The following ASH1L variants were observed in gnomAD, a reference collection of about 807,000 sequenced individuals.
ASH1L encodes ASH1 like histone lysine methyltransferase.
A neutral mutation model predicts 269.0 loss-of-function variants in ASH1L; 23 were observed. The ratio of observed to expected loss-of-function variants is 0.09; its 90% CI spans 0.06 to 0.12. ASH1L has a LOEUF of 0.12. ASH1L is among the 10% of genes least tolerant of loss of function. The probability of loss-of-function intolerance (pLI) is 1.00; values close to 1 mark genes in which losing one functional copy is unlikely to be tolerated. For synonymous variants in ASH1L, 1,187 were observed against 1,253.5 expected (o/e 0.95, Z 1.12); for missense variants, 2,912 against 3,567.8 (o/e 0.82, Z 4.68).
chr1:155,345,430 G>A (rs1028301930), intron 21 of ASH1L, among the ~76,000 whole-genome samples: 7 of 150,034 alleles, frequency 4.7e-5, no homozygotes, highest in Non-Finnish European at 7.4e-5. Flanking sequence ...TGATCCACCC[G>A]CCTTAGCCTC....
intron 3 of ASH1L, 65 bp downstream of exon 3, chr1:155,477,821 T>C: frequency 1.4e-6 from 2 of 1,456,978 alleles, no homozygotes; most frequent in Non-Finnish European, 1.8e-6. Context: ...TCTACATTTA[T>C]CAGGCACCTG....
chr1:155,559,534 CAA>C (rs71270465), intron 1 of ASH1L, among the ~76,000 whole-genome samples: 21 of 84,958 alleles, frequency 2.5e-4, no homozygotes, highest in African/African-American at 2.6e-4. Flanking sequence ...AACTCAGTCT[CAA>C]AAAAAAAAAA....
At chr1:155,542,345 C>A (rs1029456066) in intron 1 of ASH1L, among the ~76,000 whole-genome samples, 62 of 152,124 alleles carry the variant, frequency 4.1e-4, no homozygotes, top group African/African-American at 1.4e-3. Context: ...GTCAGGAGAT[C>A]GAGACCATCC....
intron 7 of ASH1L, among the ~76,000 whole-genome samples, chr1:155,392,452 C>T (rs957873647): frequency 6.6e-6 from 1 of 151,974 alleles, no homozygotes; most frequent in African/African-American, 2.4e-5. Context: ...CTTAGGATTA[C>T]TATGTTTTAA....
intron 5 of ASH1L, among the ~76,000 whole-genome samples, chr1:155,420,422 A>G: frequency 6.6e-6 from 1 of 151,484 alleles, no homozygotes; most frequent in Middle Eastern, 3.4e-3. Flanking sequence ...TTAGATATAA[A>G]TCAAACAAAA....
intron 2 of ASH1L, among the ~76,000 whole-genome samples, chr1:155,500,003 T>TCAGTAC (rs1667404863): frequency 6.6e-6 from 1 of 152,200 alleles, no homozygotes; most frequent in Non-Finnish European, 1.5e-5. Context: ...TTAGGGAAGT[T>TCAGTAC]CCTACTACAT....
chr1:155,383,158 G>T (rs1266375814), intron 7 of ASH1L, among the ~76,000 whole-genome samples: 2 of 152,196 alleles, frequency 1.3e-5, no homozygotes, highest in Non-Finnish European at 2.9e-5. Context: ...AAGTTATTAT[G>T]AGTCAAAGTG....
chr1:155,452,820 G>T (rs559324439), intron 4 of ASH1L, among the ~76,000 whole-genome samples: 5 of 152,286 alleles, frequency 3.3e-5, no homozygotes, highest in African/African-American at 9.6e-5. Flanking sequence ...GTCTCCCAAT[G>T]TGCTGGGATA....
At chr1:155,400,415 T>C (rs1658734321) in intron 6 of ASH1L, among the ~76,000 whole-genome samples, 1 of 152,166 alleles carries the variant, frequency 6.6e-6, no homozygotes, top group African/African-American at 2.4e-5. Context: ...ATAGTGATTG[T>C]GGAGTAAGAC....
intron 2 of ASH1L, among the ~76,000 whole-genome samples, chr1:155,500,007 A>G (rs1422966165): frequency 6.6e-6 from 1 of 152,248 alleles, no homozygotes; most frequent in Non-Finnish European, 1.5e-5. Flanking sequence ...GGAAGTTCCT[A>G]CTACATAATG....
intron 12 of ASH1L, among the ~76,000 whole-genome samples, 195 bp from the exon 13 acceptor site, chr1:155,360,604 T>A (rs1654860985): frequency 6.6e-6 from 1 of 152,012 alleles, no homozygotes; most frequent in African/African-American, 2.4e-5. Context: ...CCACCACGCC[T>A]GGCTAATTTT....
chr1:155,525,982 A>G (rs1000096410), intron 1 of ASH1L, among the ~76,000 whole-genome samples: 5 of 152,176 alleles, frequency 3.3e-5, no homozygotes, highest in African/African-American at 9.6e-5. Context: ...ATTAAACTGT[A>G]CTTTAAAATT....
At chr1:155,434,337 G>C (rs1661899317) in intron 5 of ASH1L, 6 of 1,543,698 alleles carry the variant, frequency 3.9e-6, no homozygotes, top group Non-Finnish European at 4.4e-6. Context: ...GTTTGTGCCA[G>C]GGCTTTTGGA....
Position 155,521,299 on chromosome 1 carries a change from G to A in ASH1L, c.221C>T (p.Ser74Leu), listed in dbSNP as rs769272721. Reference sequence around the variant, plus strand: ...CTCTGAAAAGTTTGTTTCTTTCACTGAAAACTGTTGCTGTGCATCAGTCAA... The same window carrying A: ...CTCTGAAAAGTTTGTTTCTTTCACTAAAAACTGTTGCTGTGCATCAGTCAA... ...DGLTDAQQQF[S>L]VKETNFSEGN... Residue 74 changes from serine (S) to leucine (L), a missense_variant, in exon 2 of 28, where the codon TCA becomes TTA. By Grantham distance (145) the Ser-to-Leu change is moderately radical (BLOSUM62 -2). Coordinates refer to ENST00000392403, the MANE Select transcript of ASH1L (RefSeq NM_018489.3). 6.2e-6 allele frequency: 10 copies of A among 1,614,076 alleles called. No homozygotes were observed. The South Asian group carries it at 6.6e-5, about 11-fold the overall frequency.
chr1:155,417,816 G>A (rs1173870057), intron 5 of ASH1L, among the ~76,000 whole-genome samples: 1 of 152,150 alleles, frequency 6.6e-6, no homozygotes, highest in South Asian at 2.1e-4. Flanking sequence ...AAATTAGGCG[G>A]GTGTGGTGGT....
chr1:155,402,862 C>CT (rs113884065), intron 6 of ASH1L, among the ~76,000 whole-genome samples: 1,906 of 135,970 alleles, frequency 0.014, 18 homozygotes, highest in Middle Eastern at 0.019. Flanking sequence ...CCAAGTTATA[C>CT]TTTTTTTTTT....
At chr1:155,466,487 C>T (rs1330275028) in intron 3 of ASH1L, among the ~76,000 whole-genome samples, 1 of 152,206 alleles carries the variant, frequency 6.6e-6, no homozygotes, top group Non-Finnish European at 1.5e-5. Context: ...GCACTAACCA[C>T]ACCACAAACA....
intron 1 of ASH1L, among the ~76,000 whole-genome samples, chr1:155,522,684 G>T (rs1211804573): frequency 6.7e-6 from 1 of 150,012 alleles, no homozygotes; most frequent in African/African-American, 2.5e-5. Context: ...GGAGATTAGT[G>T]AATTTTTTTT....
chr1:155,390,124 C>A (rs1401648123), intron 7 of ASH1L, among the ~76,000 whole-genome samples: 1 of 151,944 alleles, frequency 6.6e-6, no homozygotes, highest in Admixed American at 6.6e-5. Flanking sequence ...GATATTAGGC[C>A]AGGTGTGGTG....
Sources: allele counts gnomAD v4.1 joint callset (sites outside exome capture counted in the v4.1 genomes callset), GRCh38; gene constraint gnomAD v4.1.1; transcripts MANE v1.5; gene names NCBI Gene and HGNC (gene_info 2026-07-23, HGNC 2026-07-21).